TRAF3IP2: variants seen among roughly 807,000 people sequenced by gnomAD.
TRAF3IP2 encodes the protein TRAF3 interacting protein 2, also known as E3 ubiquitin ligase TRAF3IP2.
In TRAF3IP2, 35 loss-of-function variants were observed where a neutral mutation model predicts 57.9. The observed-to-expected ratio is 0.60, with a 90% CI of 0.46 to 0.80. TRAF3IP2 has a LOEUF of 0.80. Ranked by LOEUF, TRAF3IP2 falls within the 30% of genes least tolerant of loss-of-function variation. The pLI is 0.00. For missense variants in TRAF3IP2, 556 were observed against 706.4 expected (o/e 0.79, Z 2.41); for synonymous variants, 251 against 268.9 (o/e 0.93, Z 0.65).
chr6:111,562,783 T>C (rs1225845286), intron 8 of TRAF3IP2, among the ~76,000 whole-genome samples, 182 bp downstream of exon 8: 1 of 150,172 alleles, frequency 6.7e-6, no homozygotes, highest in East Asian at 1.9e-4. Flanking sequence ...AGGCAGAGGT[T>C]GCAGTGAGCC....
chr6:111,567,350 T>A, intron 6 of TRAF3IP2: 1 of 1,179,092 alleles, frequency 8.5e-7, no homozygotes, highest in Non-Finnish European at 1.0e-6. Context: ...CTTCATTTCC[T>A]TCTTTCCTAT....
chr6:111,596,109 A>G (rs1380639577), intron 1 of TRAF3IP2, among the ~76,000 whole-genome samples: 1 of 151,998 alleles, frequency 6.6e-6, no homozygotes, highest in African/African-American at 2.4e-5. Flanking sequence ...CGCACTCCCT[A>G]AAATGTTTAC....
intron 2 of TRAF3IP2, among the ~76,000 whole-genome samples, chr6:111,588,555 C>T (rs1333072807): frequency 6.6e-6 from 1 of 152,196 alleles, no homozygotes; most frequent in Non-Finnish European, 1.5e-5. Flanking sequence ...GTCCTGGGAC[C>T]TTCATTATAA....
chr6:111,559,703 G>C (rs1286743770), intron 8 of TRAF3IP2, 152 bp from the exon 9 acceptor site: 5 of 891,550 alleles, frequency 5.6e-6, no homozygotes, highest in African/African-American at 3.4e-5. Flanking sequence ...TTTTGGAAAG[G>C]TTTAGCATGT....
intron 1 of TRAF3IP2, among the ~76,000 whole-genome samples, chr6:111,596,567 C>A (rs932500325): frequency 6.6e-6 from 1 of 152,248 alleles, no homozygotes; most frequent in African/African-American, 2.4e-5. Context: ...GATTCTCATG[C>A]CTCAGCCTCC....
intron 1 of TRAF3IP2, chr6:111,600,511 C>G (rs1013370906): frequency 2.6e-5 from 4 of 152,198 alleles, no homozygotes; most frequent in Non-Finnish European, 5.9e-5. Flanking sequence ...GATCTCCAAG[C>G]TCTTTCCATT....
At chr6:111,595,220 C>T (rs542391915) in intron 1 of TRAF3IP2, among the ~76,000 whole-genome samples, 226 of 152,030 alleles carry the variant, frequency 1.5e-3, no homozygotes, top group African/African-American at 2.8e-3. Flanking sequence ...GCAACAGGAG[C>T]GAAACTCTGT....
chr6:111,591,414 G>C lies in TRAF3IP2; in HGVS notation c.673C>G (p.Gln225Glu). ...PLPLTSVCYP[Q>E]DLPRPLRSRE... ...GACCTGAGAGGTCTGGGGAGGTCCT[G>C]GGGGTAACACACGGAGGTGAGGGGC... The change falls in exon 2 of 9, where the codon CAG becomes GAG. Residue 225 changes from glutamine to glutamate, a missense_variant. By Grantham distance (29) the Gln-to-Glu change is conservative (BLOSUM62 2). Transcript: ENST00000368761. The surrounding 1 kb of genome is among the most constrained non-coding windows in gnomAD (Gnocchi z 4.9). 1 of 1,563,796 alleles carries C rather than the reference G, an allele frequency of 6.4e-7. No homozygotes were observed.
intron 1 of TRAF3IP2, among the ~76,000 whole-genome samples, chr6:111,599,331 T>G (rs1195595360): frequency 6.6e-6 from 1 of 152,114 alleles, no homozygotes; most frequent in African/African-American, 2.4e-5. Context: ...GTCCCTTGCT[T>G]TGTCTTCCTT....
At position 111,566,492 on chromosome 6, in the gene TRAF3IP2, C is replaced by A; in HGVS notation, c.1428G>T (p.Gln476His). ...GTAAGCCATGCTCATCCTCGTCCAGCTGCGACTCAGCGCCTTCCACGTCCT... is the reference window on the plus strand; with the variant it reads ...GTAAGCCATGCTCATCCTCGTCCAGATGCGACTCAGCGCCTTCCACGTCCT... ...YKQDVEGAES[Q>H]LDEDEHGLHT... The change falls in exon 7 of 9, where the codon CAG (glutamine) becomes CAT (histidine). Residue 476 changes from glutamine (Q) to histidine (H), a missense_variant. By Grantham distance (24) the Gln-to-His change is conservative (BLOSUM62 0). Transcript: ENST00000368761. The A allele has an allele frequency of 6.2e-7, 1 of 1,614,210 alleles. No homozygotes were observed. The highest frequency in any genetic ancestry group is 8.5e-7 in the Non-Finnish European group (1 of 1,180,024).
At chr6:111,593,045 T>C (rs174382) in intron 1 of TRAF3IP2, among the ~76,000 whole-genome samples, 81,331 of 152,032 alleles carry the variant, frequency 0.53, 23,495 homozygotes, top group Admixed American at 0.65. Context: ...AGAAAACCAG[T>C]CTCCTCTCAT....
At chr6:111,571,801 T>C (rs1395831534) in intron 5 of TRAF3IP2, among the ~76,000 whole-genome samples, 1 of 151,180 alleles carries the variant, frequency 6.6e-6, no homozygotes, top group African/African-American at 2.4e-5. Context: ...GGCATGGTGG[T>C]GGGCACCTGT....
intron 1 of TRAF3IP2, among the ~76,000 whole-genome samples, chr6:111,599,066 ATTTTTTTTTTT>A (rs1017585005): frequency 1.5e-5 from 2 of 129,056 alleles, no homozygotes; most frequent in Admixed American, 8.1e-5. Context: ...CACCTGGTTA[ATTTTTTTTTTT>A]TTTTTTTTTT....
chr6:111,604,206 C>T (rs1165687447), intron 1 of TRAF3IP2, among the ~76,000 whole-genome samples: 2 of 152,050 alleles, frequency 1.3e-5, no homozygotes, highest in Non-Finnish European at 2.9e-5. Context: ...CAAGTAATTG[C>T]CAAAAAGAAA....
intron 4 of TRAF3IP2, among the ~76,000 whole-genome samples, chr6:111,574,317 G>A (rs530835793): frequency 1.1e-4 from 16 of 152,324 alleles, no homozygotes; most frequent in African/African-American, 3.9e-4. Flanking sequence ...GAGGTTCCCA[G>A]ATTTGGAAAA....
Position 111,591,115 on chromosome 6 carries a change from T to C in TRAF3IP2, c.829+143A>G. The C allele has an allele frequency of 1.8e-6, 1 of 564,276 alleles. No homozygotes were observed. Among genetic ancestry groups the C allele is most frequent in the South Asian group, 6.4e-5 (1 of 15,580 alleles). 35.0% of individuals were successfully genotyped at this position (564,276 alleles called of 1,614,324 possible). A position where few individuals can be genotyped will look rare whatever the true frequency, so the allele number is the denominator to read the frequency against. ...GGCCCTTTGCAAATCCAGCCACACATGGAAAGCCCCTAAGAGAAGCAGAAT... is the reference window on the plus strand; with the variant it reads ...GGCCCTTTGCAAATCCAGCCACACACGGAAAGCCCCTAAGAGAAGCAGAAT... On this transcript the variant is annotated intron_variant, in intron 2 of 8. Coordinates refer to ENST00000368761, the MANE Select transcript of TRAF3IP2 (RefSeq NM_147686.4). This position sits in a 1 kb window ranked among gnomAD's most constrained non-coding sequence, Gnocchi z 4.9.
Position 111,591,212 on chromosome 6 carries a change from T to G in TRAF3IP2, c.829+46A>C, listed in dbSNP as rs377392516. The G allele has an allele frequency of 4.0e-5, 57 of 1,415,350 alleles. No individual in the cohort carries two copies. Among genetic ancestry groups the G allele is most frequent in the Non-Finnish European group, 5.0e-5 (53 of 1,068,112 alleles). 87.7% of individuals were successfully genotyped at this position (1,415,350 alleles called of 1,614,324 possible). On this transcript the variant is annotated intron_variant, in intron 2 of 8. Coordinates refer to ENST00000368761, the MANE Select transcript of TRAF3IP2 (RefSeq NM_147686.4). The surrounding 1 kb of genome is among the most constrained non-coding windows in gnomAD (Gnocchi z 4.9). The stretch of plus-strand genomic sequence containing the variant: ...GCATTGATGTGAGGCCCTTGTTTCT[T>G]CAGTCACCCAGCCCAGAATGCCCAG...
At chr6:111,601,338 T>C (rs1323802616) in intron 1 of TRAF3IP2, 3 of 594,966 alleles carry the variant, frequency 5.0e-6, no homozygotes, top group East Asian at 2.7e-5. Flanking sequence ...AGAAAAGCAT[T>C]TGACTGGATC....
intron 1 of TRAF3IP2, among the ~76,000 whole-genome samples, chr6:111,605,477 C>T (rs986978925): frequency 1.3e-5 from 2 of 152,236 alleles, no homozygotes; most frequent in African/African-American, 4.8e-5. Flanking sequence ...AGTACCCAAA[C>T]GAATGGTTCC....
Sources: allele counts gnomAD v4.1 joint callset (sites outside exome capture counted in the v4.1 genomes callset), GRCh38; gene constraint gnomAD v4.1.1; non-coding constraint Gnocchi (gnomAD v3.1); transcripts MANE v1.5; gene names NCBI Gene and HGNC (gene_info 2026-07-23, HGNC 2026-07-21).